SPATA2: variants seen among roughly 807,000 people sequenced by gnomAD.
SPATA2 encodes the protein spermatogenesis associated 2, also known as spermatogenesis-associated protein 2.
A neutral mutation model predicts 35.4 loss-of-function variants in SPATA2; 8 were observed. That is an observed-to-expected ratio of 0.23 (90% CI 0.13 to 0.41). The LOEUF (loss-of-function observed/expected upper bound fraction) is 0.41, where lower values mean the gene tolerates loss of function less well. SPATA2 is among the 10% of genes least tolerant of loss of function. SPATA2 has a pLI of 1.00. For synonymous variants in SPATA2, 293 were observed against 300.9 expected (o/e 0.97, Z 0.27); for missense variants, 650 against 698.7 (o/e 0.93, Z 0.79).
intron 1 of SPATA2, among the ~76,000 whole-genome samples, chr20:49,909,812 T>C (rs2090172731): frequency 6.6e-6 from 1 of 152,118 alleles, no homozygotes; most frequent in Non-Finnish European, 1.5e-5. Flanking sequence ...ACATTCAGAA[T>C]TCGATATTTT....
At position 49,903,858 on chromosome 20, in the gene SPATA2, A is replaced by G. The variant is rs2090121192; in HGVS notation, c.*1761T>C. On this transcript the variant is annotated 3_prime_UTR_variant, in exon 3 of 3. Coordinates refer to ENST00000289431, the MANE Select transcript of SPATA2 (RefSeq NM_006038.4). Reference sequence around the variant, plus strand: ...TTAGTAATAAAGTTGGTTGAAATTCAGCTTAATATACACACTGTACATCTA... The same window carrying G: ...TTAGTAATAAAGTTGGTTGAAATTCGGCTTAATATACACACTGTACATCTA... 1 of 147,930 alleles carries G rather than the reference A, an allele frequency of 6.8e-6. No homozygotes were observed. The highest frequency in any genetic ancestry group is 2.5e-5 in the African/African-American group (1 of 39,584). 9.2% of individuals were successfully genotyped at this position (147,930 alleles called of 1,614,324 possible). A position where few individuals can be genotyped will look rare whatever the true frequency, so the allele number is the denominator to read the frequency against.
chr20:49,905,478 C>T lies in SPATA2; in HGVS notation c.*141G>A. 1.1e-6 allele frequency: 1 copy of T among 892,354 alleles called. No homozygotes were observed. The highest frequency in any genetic ancestry group is 1.7e-6 in the Non-Finnish European group (1 of 587,874). The allele number at this position is 892,354 out of a possible 1,614,324, so 55.3% of individuals were successfully genotyped here. ...GTCGCTAAGTGAACTCCCACGTGGA[C>T]ACAGCCAGCCCACGATCTCTGCCAC... On this transcript the variant is annotated 3_prime_UTR_variant, in exon 3 of 3. Transcript: ENST00000289431.
intron 1 of SPATA2, among the ~76,000 whole-genome samples, chr20:49,910,637 G>A (rs2146834492): frequency 6.6e-6 from 1 of 152,250 alleles, no homozygotes; most frequent in Admixed American, 6.5e-5. Context: ...CTGGCATGTG[G>A]GGGACTCCTT....
chr20:49,906,402 G>A lies in SPATA2; in HGVS notation c.780C>T (p.Tyr260=), dbSNP rs2090144685. ...TCAGGGGTGGCTTCCGGCTCTCCCA[G>A]TAGCTGTCATAGGCATCCACTGACC... is the stretch of plus-strand genomic sequence containing the variant. ...PSRSVDAYDS[Y]WESRKPPLKA... The change falls in exon 3 of 3, where the codon TAC becomes TAT. Residue 260 remains tyrosine, a synonymous_variant. Coordinates refer to ENST00000289431, the MANE Select transcript of SPATA2 (RefSeq NM_006038.4). The surrounding 1 kb of genome is among the most constrained non-coding windows in gnomAD (Gnocchi z 8.2). 6.2e-7 allele frequency: 1 copy of A among 1,613,632 alleles called. No individual in the cohort carries two copies. Among genetic ancestry groups the A allele is most frequent in the Non-Finnish European group, 8.5e-7 (1 of 1,180,012 alleles).
At position 49,906,910 on chromosome 20, in the gene SPATA2, G is replaced by T. The variant is rs2090149148; in HGVS notation, c.337-65C>A. The stretch of plus-strand genomic sequence containing the variant: ...GTCAGAGACACAAGACAGAGACTAT[G>T]TCAAAGCAAAGGATGTCCAGCTCTG... On this transcript the variant is annotated intron_variant, in intron 2 of 2. Coordinates refer to ENST00000289431, the MANE Select transcript of SPATA2 (RefSeq NM_006038.4). This position sits in a 1 kb window ranked among gnomAD's most constrained non-coding sequence, Gnocchi z 8.2. The T allele has an allele frequency of 3.9e-6, 6 of 1,531,290 alleles. No homozygotes were observed. Among genetic ancestry groups the T allele is most frequent in the African/African-American group, 1.4e-5 (1 of 72,506 alleles). The allele number at this position is 1,531,290 out of a possible 1,614,324, so 94.9% of individuals were successfully genotyped here. A position where few individuals can be genotyped will look rare whatever the true frequency, so the allele number is the denominator to read the frequency against.
intron 1 of SPATA2, among the ~76,000 whole-genome samples, chr20:49,910,914 G>A (rs944147885): frequency 2.6e-5 from 4 of 152,220 alleles, no homozygotes; most frequent in African/African-American, 9.6e-5. Flanking sequence ...AGTACAGGAG[G>A]CAAACACATC....
chr20:49,912,927 A>G (rs980440282), intron 1 of SPATA2, among the ~76,000 whole-genome samples: 7 of 136,910 alleles, frequency 5.1e-5, no homozygotes, highest in African/African-American at 1.9e-4. Context: ...ACATAGTTAG[A>G]CTCCGTCTCT....
intron 1 of SPATA2, among the ~76,000 whole-genome samples, chr20:49,914,714 G>A (rs1471846746): frequency 1.3e-5 from 2 of 152,192 alleles, no homozygotes; most frequent in African/African-American, 4.8e-5. Flanking sequence ...AAGCTCTGAA[G>A]GAAGCTGTTT....
chr20:49,912,001 G>T (rs973951149), intron 1 of SPATA2, among the ~76,000 whole-genome samples: 3 of 152,186 alleles, frequency 2.0e-5, no homozygotes, highest in Middle Eastern at 3.2e-3. Flanking sequence ...GAATGGGGAT[G>T]GGTGGGACAG....
chr20:49,906,349 G>A lies in SPATA2; in HGVS notation c.833C>T (p.Pro278Leu). Reference sequence around the variant, plus strand: ...GTCGTCCCCCACATCCGTTGCCACAGGCTCCTTCCGAAGACTCAATGAGGC... The same window carrying A: ...GTCGTCCCCCACATCCGTTGCCACAAGCTCCTTCCGAAGACTCAATGAGGC... ...LKASLSLRKE[P>L]VATDVGDDLK... is the part of the protein sequence containing the mutation. The change falls in exon 3 of 3, where the codon CCT (proline) becomes CTT (leucine). Residue 278 changes from proline (P) to leucine (L), a missense_variant. Transcript: ENST00000289431. The surrounding 1 kb of genome is among the most constrained non-coding windows in gnomAD (Gnocchi z 8.2). The A allele has an allele frequency of 6.2e-7, 1 of 1,612,868 alleles. No individual in the cohort carries two copies. The highest frequency in any genetic ancestry group is 8.5e-7 in the Non-Finnish European group (1 of 1,179,216).
intron 1 of SPATA2, among the ~76,000 whole-genome samples, chr20:49,911,924 C>CA (rs765770854): frequency 7.9e-5 from 12 of 152,052 alleles, no homozygotes; most frequent in Non-Finnish European, 1.8e-4. Context: ...CTCACCACCC[C>CA]ACGATTCCCA....
chr20:49,907,488 C>T (rs112459013), intron 2 of SPATA2, among the ~76,000 whole-genome samples: 3 of 152,158 alleles, frequency 2.0e-5, no homozygotes, highest in Non-Finnish European at 4.4e-5. Flanking sequence ...AGGCAGAACG[C>T]GGTGACAATC....
rs2090126889 is a variant in SPATA2 at position 49,904,241 on chromosome 20, T to C, written c.*1378A>G. On this transcript the variant is annotated 3_prime_UTR_variant, in exon 3 of 3. Coordinates refer to ENST00000289431, the MANE Select transcript of SPATA2 (RefSeq NM_006038.4). ...ACAAGGAAAATCCAGGGGTTGGTAA[T>C]TCACATGAGAAGCTGAAGGGGCCTT... 6.6e-6 allele frequency: 1 copy of C among 152,406 alleles called. No homozygotes were observed. The highest frequency in any genetic ancestry group is 6.6e-5 in the Admixed American group (1 of 15,266). The allele number at this position is 152,406 out of a possible 1,614,324, so 9.4% of individuals were successfully genotyped here.
At position 49,915,474 on chromosome 20, in the gene SPATA2, G is replaced by A. The variant is rs1051898277; in HGVS notation, c.-197C>T. On this transcript the variant is annotated 5_prime_UTR_variant, in exon 1 of 3. Transcript: ENST00000289431. ...GGCCCCGTCGGGCTCTAGCCTCTCC[G>A]GCCGGCTGCAGGGGTACTGAGACCA... is the stretch of plus-strand genomic sequence containing the variant. 1 of 152,220 alleles carries A rather than the reference G, an allele frequency of 6.6e-6. No individual in the cohort carries two copies. The highest frequency in any genetic ancestry group is 1.5e-5 in the Non-Finnish European group (1 of 68,044). The allele number at this position is 152,220 out of a possible 1,614,324, so 9.4% of individuals were successfully genotyped here. A position where few individuals can be genotyped will look rare whatever the true frequency, so the allele number is the denominator to read the frequency against.
chr20:49,907,785 C>T (rs1292106349), intron 2 of SPATA2, among the ~76,000 whole-genome samples: 1 of 151,100 alleles, frequency 6.6e-6, no homozygotes, highest in Non-Finnish European at 1.5e-5. Flanking sequence ...TCTCCCCATC[C>T]CTCCCACCTC....
chr20:49,906,904 G>C lies in SPATA2; in HGVS notation c.337-59C>G. The C allele has an allele frequency of 6.5e-7, 1 of 1,541,104 alleles. No individual in the cohort carries two copies. The highest frequency in any genetic ancestry group is 8.8e-7 in the Non-Finnish European group (1 of 1,141,084). On this transcript the variant is annotated intron_variant, in intron 2 of 2. Coordinates refer to ENST00000289431, the MANE Select transcript of SPATA2 (RefSeq NM_006038.4). The surrounding 1 kb of genome is among the most constrained non-coding windows in gnomAD (Gnocchi z 8.2). Reference sequence around the variant, plus strand: ...TTTTCTGTCAGAGACACAAGACAGAGACTATGTCAAAGCAAAGGATGTCCA... The same window carrying C: ...TTTTCTGTCAGAGACACAAGACAGACACTATGTCAAAGCAAAGGATGTCCA...
rs762206455 is a variant in SPATA2 at position 49,906,845 on chromosome 20, T to C, written c.337A>G (p.Thr113Ala). 6.9e-6 allele frequency: 11 copies of C among 1,601,222 alleles called. No individual in the cohort carries two copies. The Admixed American group carries it at 1.7e-4, about 25-fold the overall frequency. The change falls in exon 3 of 3, where the codon ACC (threonine) becomes GCC (alanine). Residue 113 changes from threonine (T) to alanine (A), a missense_variant and splice_region_variant. Thr to Ala is a moderately conservative substitution (Grantham distance 58, BLOSUM62 0). Coordinates refer to ENST00000289431, the MANE Select transcript of SPATA2 (RefSeq NM_006038.4). This position sits in a 1 kb window ranked among gnomAD's most constrained non-coding sequence, Gnocchi z 8.2. ...PWKKEFRSIK[T>A]YTGPFVYYVK... Reference sequence around the variant, plus strand: ...TAATAAACAAAAGGGCCCGTGTAGGTCTAGAAGGGAGGGAGTAGAAAAGAA... The same window carrying C: ...TAATAAACAAAAGGGCCCGTGTAGGCCTAGAAGGGAGGGAGTAGAAAAGAA...
intron 1 of SPATA2, among the ~76,000 whole-genome samples, chr20:49,912,363 G>A (rs756430411): frequency 5.3e-5 from 8 of 152,070 alleles, no homozygotes; most frequent in African/African-American, 7.2e-5. Flanking sequence ...GGAGAATGGC[G>A]TGAACCCAGG....
chr20:49,909,045 T>G (rs927273225), intron 1 of SPATA2, among the ~76,000 whole-genome samples: 2 of 152,096 alleles, frequency 1.3e-5, no homozygotes, highest in African/African-American at 4.8e-5. Flanking sequence ...TTTTTTGAGA[T>G]GGATCCTTGC....
Sources: gnomAD v4.1 joint callset for allele counts (sites outside exome capture counted in the v4.1 genomes callset) on GRCh38, gnomAD v4.1.1 for gene constraint, Gnocchi (gnomAD v3.1) non-coding constraint, MANE v1.5 for transcripts, NCBI Gene and HGNC (gene_info 2026-07-23, HGNC 2026-07-21) for gene names.